The following HLF variants were observed in gnomAD, a reference collection of about 807,000 sequenced individuals.
HLF encodes the protein hepatic leukemia factor.
Under a neutral mutation model 22.6 loss-of-function variants are expected in HLF, and 3 were observed. The ratio of observed to expected loss-of-function variants is 0.13; its 90% CI spans 0.06 to 0.34. The LOEUF (loss-of-function observed/expected upper bound fraction) is 0.34. HLF is among the 10% of genes least tolerant of loss of function. The pLI is 1.00. For synonymous variants in HLF, 151 were observed against 151.8 expected (o/e 0.99, Z 0.04); for missense variants, 299 against 389.2 (o/e 0.77, Z 1.95).
At chr17:55,271,215 A>G (rs1408686323) in intron 2 of HLF, among the ~76,000 whole-genome samples, 1 of 152,248 alleles carries the variant, frequency 6.6e-6, no homozygotes, top group African/African-American at 2.4e-5. Context: ...AACTTTTAAG[A>G]AGGTCAGGGG....
intron 3 of HLF, among the ~76,000 whole-genome samples, chr17:55,319,659 G>A (rs904853613): frequency 2.6e-5 from 4 of 152,060 alleles, no homozygotes; most frequent in Non-Finnish European, 5.9e-5. Flanking sequence ...CAAGAAATTA[G>A]AGTAAATTAT....
At chr17:55,287,247 G>C (rs2081012758) in intron 2 of HLF, among the ~76,000 whole-genome samples, 2 of 152,168 alleles carry the variant, frequency 1.3e-5, no homozygotes, top group Admixed American at 1.3e-4. Flanking sequence ...GTTTTATTTG[G>C]AGCTTTGCTC....
intron 2 of HLF, among the ~76,000 whole-genome samples, chr17:55,297,738 C>CTTTTTTTTTTTTT: frequency 1.6e-5 from 1 of 62,890 alleles, no homozygotes; most frequent in Non-Finnish European, 2.7e-5. Flanking sequence ...AACAGCATTT[C>CTTTTTTTTTTTTT]TTTTTTTTTT....
intron 2 of HLF, among the ~76,000 whole-genome samples, chr17:55,270,402 G>A (rs1351726185): frequency 6.6e-6 from 1 of 152,146 alleles, no homozygotes; most frequent in East Asian, 1.9e-4. Flanking sequence ...TCATTATAAA[G>A]ATGCAAAATA....
At chr17:55,288,588 C>CTCTA (rs2081028673) in intron 2 of HLF, among the ~76,000 whole-genome samples, 2 of 151,902 alleles carry the variant, frequency 1.3e-5, no homozygotes. Context: ...TGTAATGAAA[C>CTCTA]CCCATCTCTA....
chr17:55,323,047 G>T lies in HLF; in HGVS notation c.*2168G>T, dbSNP rs754318054. 9.1e-6 allele frequency: 2 copies of T among 220,128 alleles called. No homozygotes were observed. The highest frequency in any genetic ancestry group is 5.8e-5 in the Admixed American group (1 of 17,304). 13.6% of individuals were successfully genotyped at this position (220,128 alleles called of 1,614,324 possible). A position where few individuals can be genotyped will look rare whatever the true frequency, so the allele number is the denominator to read the frequency against. ...CCTTTAATGATCTGGTGGTCTCCTCGTCAATCCATCAGCAATGCTTCTCTC... is the reference window on the plus strand; with the variant it reads ...CCTTTAATGATCTGGTGGTCTCCTCTTCAATCCATCAGCAATGCTTCTCTC... On this transcript the variant is annotated 3_prime_UTR_variant, in exon 4 of 4. Coordinates refer to ENST00000226067, the MANE Select transcript of HLF (RefSeq NM_002126.5).
chr17:55,311,856 A>G (rs769434112), intron 2 of HLF, among the ~76,000 whole-genome samples: 1 of 152,074 alleles, frequency 6.6e-6, no homozygotes, highest in Non-Finnish European at 1.5e-5. Flanking sequence ...CTCAGTGTCT[A>G]CTGTTCCCAG....
intron 2 of HLF, among the ~76,000 whole-genome samples, chr17:55,287,211 T>C (rs901769081): frequency 5.3e-5 from 8 of 152,184 alleles, no homozygotes; most frequent in African/African-American, 1.9e-4. Flanking sequence ...CTTCTGAAAG[T>C]GTTGAGAAAT....
chr17:55,318,239 C>T (rs1271385214), intron 3 of HLF, among the ~76,000 whole-genome samples: 4 of 152,200 alleles, frequency 2.6e-5, no homozygotes, highest in African/African-American at 9.7e-5. Flanking sequence ...CTGCCCGCAA[C>T]CCTTCTGCGA....
intron 2 of HLF, among the ~76,000 whole-genome samples, chr17:55,275,969 A>T (rs1398067864): frequency 6.6e-6 from 1 of 152,140 alleles, no homozygotes; most frequent in Non-Finnish European, 1.5e-5. Context: ...TTAGCTGGAT[A>T]TGGTGGCACG....
rs377304153 is a variant in HLF at position 55,305,855 on chromosome 17, T to C, written c.452-9372T>C. On this transcript the variant is annotated intron_variant, in intron 2 of 3. Transcript: ENST00000226067. ...TGGGGCATTCGCATGAAAAAGAACA[T>C]GGGCTTTAGAGTGAGAAGGATGGGG... 7.2e-5 allele frequency among the ~76,000 whole-genome samples: 11 copies of C among 152,308 alleles called. No individual in the cohort carries two copies. The South Asian group carries it at 1.9e-3, about 26-fold the overall frequency.
intron 3 of HLF, among the ~76,000 whole-genome samples, chr17:55,319,434 G>C (rs369315037): frequency 6.6e-6 from 1 of 152,168 alleles, no homozygotes. Flanking sequence ...GTTGCAAATT[G>C]TTGAAAAAGG....
intron 3 of HLF, among the ~76,000 whole-genome samples, chr17:55,317,878 G>A (rs1223842889): frequency 6.6e-6 from 1 of 152,186 alleles, no homozygotes; most frequent in Non-Finnish European, 1.5e-5. Flanking sequence ...ACATGCTGGG[G>A]TACCTAGCTG....
chr17:55,299,601 T>G (rs2081139116), intron 2 of HLF, among the ~76,000 whole-genome samples: 1 of 152,122 alleles, frequency 6.6e-6, no homozygotes, highest in South Asian at 2.1e-4. Context: ...GCACCTAACA[T>G]CCAAGAAGCA....
chr17:55,297,738 C>CTATTTTT (rs2081122313), intron 2 of HLF, among the ~76,000 whole-genome samples: 1 of 62,890 alleles, frequency 1.6e-5, no homozygotes, highest in African/African-American at 6.9e-5. Context: ...AACAGCATTT[C>CTATTTTT]TTTTTTTTTT....
At chr17:55,275,768 C>T (rs1205126266) in intron 2 of HLF, among the ~76,000 whole-genome samples, 1 of 152,138 alleles carries the variant, frequency 6.6e-6, no homozygotes, top group Non-Finnish European at 1.5e-5. Context: ...CAGCTTGGTG[C>T]CCTGTACATA....
intron 2 of HLF, among the ~76,000 whole-genome samples, chr17:55,294,281 C>T (rs1219186738): frequency 6.6e-6 from 1 of 152,176 alleles, no homozygotes; most frequent in Non-Finnish European, 1.5e-5. Flanking sequence ...GAGAATGTGT[C>T]TTTCACGAAT....
chr17:55,287,443 C>T (rs376143905), intron 2 of HLF, among the ~76,000 whole-genome samples: 1 of 152,186 alleles, frequency 6.6e-6, no homozygotes, highest in African/African-American at 2.4e-5. Context: ...AAGCCCTGGC[C>T]AGTTGCCACC....
In HLF at chr17:55,320,523, TG is replaced by T; in HGVS notation, c.673-140del. 1 of 664,474 alleles carries T rather than the reference TG, an allele frequency of 1.5e-6. No homozygotes were observed. Among genetic ancestry groups the T allele is most frequent in the Non-Finnish European group, 2.6e-6 (1 of 384,886 alleles). The allele number at this position is 664,474 out of a possible 1,614,324, so 41.2% of individuals were successfully genotyped here. On this transcript the variant is annotated intron_variant, in intron 3 of 3. Coordinates refer to ENST00000226067, the MANE Select transcript of HLF (RefSeq NM_002126.5). The surrounding 1 kb of genome is among the most constrained non-coding windows in gnomAD (Gnocchi z 4.2). ...GCCACACTCTCAGACATGCAGAAAC[TG>T]TAAAGGAAGGAGACACAAGCTAAGA...
Sources: allele counts gnomAD v4.1 joint callset (sites outside exome capture counted in the v4.1 genomes callset), GRCh38; gene constraint gnomAD v4.1.1; non-coding constraint Gnocchi (gnomAD v3.1); transcripts MANE v1.5; gene names NCBI Gene and HGNC (gene_info 2026-07-23, HGNC 2026-07-21).